The following FAM169A variants were observed in gnomAD, a reference collection of about 807,000 sequenced individuals.
FAM169A encodes the protein soluble lamin-associated protein of 75 kDa.
A neutral mutation model predicts 75.7 loss-of-function variants in FAM169A; 24 were observed. The observed-to-expected ratio is 0.32, with a 90% CI of 0.23 to 0.45. The LOEUF (loss-of-function observed/expected upper bound fraction) is 0.45, where lower values mean the gene tolerates loss of function less well. Among genes scored for constraint, FAM169A ranks in the 20% least tolerant of loss-of-function variants. The probability of loss-of-function intolerance (pLI) is 1.00; values close to 1 mark genes in which losing one functional copy is unlikely to be tolerated. For missense variants in FAM169A, 673 were observed against 784.0 expected (o/e 0.86, Z 1.69); for synonymous variants, 271 against 271.0 (o/e 1.00, Z 0.00).
At chr5:74,793,639 C>T (rs1378468943) in intron 11 of FAM169A, among the ~76,000 whole-genome samples, 1 of 152,102 alleles carries the variant, frequency 6.6e-6, no homozygotes, top group Non-Finnish European at 1.5e-5. Flanking sequence ...GCACCAAAAT[C>T]TCAGAAATCA....
chr5:74,791,451 G>A (rs1745970995), intron 11 of FAM169A, among the ~76,000 whole-genome samples: 1 of 152,120 alleles, frequency 6.6e-6, no homozygotes, highest in South Asian at 2.1e-4. Flanking sequence ...GCTGCCACCA[G>A]GAGACACAAC....
chr5:74,806,967 G>C (rs1746916789), intron 6 of FAM169A, among the ~76,000 whole-genome samples: 2 of 152,152 alleles, frequency 1.3e-5, no homozygotes, highest in Non-Finnish European at 2.9e-5. Flanking sequence ...TGCAGGATAT[G>C]ACAAGCACCA....
chr5:74,825,129 T>C (rs952019573), intron 5 of FAM169A, among the ~76,000 whole-genome samples: 2 of 152,154 alleles, frequency 1.3e-5, no homozygotes, highest in African/African-American at 4.8e-5. Context: ...TTAATAATAT[T>C]TATTACTATC....
At chr5:74,858,534 G>C (rs1749843050) in intron 1 of FAM169A, among the ~76,000 whole-genome samples, 1 of 152,088 alleles carries the variant, frequency 6.6e-6, no homozygotes, top group Admixed American at 6.6e-5. Context: ...CTAAACACTG[G>C]GTACACATGG....
Position 74,778,213 on chromosome 5 carries a change from C to G in FAM169A, c.*3247G>C, listed in dbSNP as rs2112434950. The G allele has an allele frequency of 6.6e-6, 1 of 151,746 alleles. No individual in the cohort carries two copies. Among genetic ancestry groups the G allele is most frequent in the Middle Eastern group, 3.4e-3 (1 of 296 alleles). 9.4% of individuals were successfully genotyped at this position (151,746 alleles called of 1,614,324 possible). ...GCATAACATTTGTAACTAATCACAC[C>G]CATGAAAGACGACTAGATGACACCT... is the stretch of plus-strand genomic sequence containing the variant. On this transcript the variant is annotated 3_prime_UTR_variant, in exon 13 of 13. Transcript: ENST00000687041.
chr5:74,858,616 A>T (rs1161252329), intron 1 of FAM169A, among the ~76,000 whole-genome samples: 4 of 152,100 alleles, frequency 2.6e-5, no homozygotes, highest in Admixed American at 2.6e-4. Context: ...AAGGGTCAAA[A>T]AGCTACCTAT....
Position 74,813,985 on chromosome 5 carries a change from G to T in FAM169A, c.525C>A (p.Tyr175Ter). Residue 175 changes from tyrosine (Y) to a stop codon, truncating the protein, a stop_gained, in exon 6 of 13, where the codon TAC becomes TAA. Coordinates refer to ENST00000687041, the MANE Select transcript of FAM169A (RefSeq NM_001376049.1). LOFTEE classifies it high-confidence loss of function. Reference protein sequence around the residue: ...SICASFLTQSYQLPVLDTMFL... With the variant: ...SICASFLTQS ...ACATTGTATCAAGAACTGGCAATTG[G>T]TAACTTTGGGTAAGAAAAGAGGCAC... 6.3e-7 allele frequency: 1 copy of T among 1,588,724 alleles called. No homozygotes were observed. The highest frequency in any genetic ancestry group is 8.5e-7 in the Non-Finnish European group (1 of 1,171,994).
chr5:74,863,478 T>C (rs899969708), intron 1 of FAM169A, among the ~76,000 whole-genome samples: 3 of 152,218 alleles, frequency 2.0e-5, no homozygotes, highest in Admixed American at 2.0e-4. Flanking sequence ...TTGTTTAACT[T>C]CCTACCCAAA....
At chr5:74,841,762 T>C (rs565838373) in intron 1 of FAM169A, 83 bp from the exon 2 acceptor site, 6 of 1,198,654 alleles carry the variant, frequency 5.0e-6, no homozygotes, top group Middle Eastern at 2.0e-4. Flanking sequence ...TTTACTACAA[T>C]GTTGCCATAT....
intron 4 of FAM169A, among the ~76,000 whole-genome samples, chr5:74,836,469 C>A (rs1478742618): frequency 6.6e-6 from 1 of 152,134 alleles, no homozygotes; most frequent in Non-Finnish European, 1.5e-5. Flanking sequence ...ACCTCCCGTC[C>A]ATATAATTGA....
chr5:74,843,602 GTCTA>G (rs1473985473), intron 1 of FAM169A, among the ~76,000 whole-genome samples: 6 of 152,118 alleles, frequency 3.9e-5, no homozygotes, highest in African/African-American at 1.4e-4. Context: ...TATTTCATTG[GTCTA>G]TCTTATTTTT....
chr5:74,804,635 A>C, intron 7 of FAM169A, 30 bp from the exon 8 acceptor site: 1 of 1,257,348 alleles, frequency 8.0e-7, no homozygotes, highest in Non-Finnish European at 1.2e-6. Flanking sequence ...AAAAACTGTA[A>C]CCGAATCAGT....
rs1000242531 is a variant in FAM169A at position 74,834,342 on chromosome 5, T to C, written c.490+84A>G. The C allele has an allele frequency of 9.0e-6, 7 of 775,680 alleles. No homozygotes were observed. In the African/African-American group the frequency reaches 1.3e-4, roughly 14 times the overall value. 48.0% of individuals were successfully genotyped at this position (775,680 alleles called of 1,614,324 possible). On this transcript the variant is annotated intron_variant, in intron 5 of 12. Coordinates refer to ENST00000687041, the MANE Select transcript of FAM169A (RefSeq NM_001376049.1). ...CCTCAATTTGCATGCTAGAGATTAATTTAACAGAGATATTGATACAGTTGG... is the reference window on the plus strand; with the variant it reads ...CCTCAATTTGCATGCTAGAGATTAACTTAACAGAGATATTGATACAGTTGG...
At chr5:74,833,773 A>G (rs1429715095) in intron 5 of FAM169A, among the ~76,000 whole-genome samples, 2 of 152,202 alleles carry the variant, frequency 1.3e-5, no homozygotes, top group Non-Finnish European at 1.5e-5. Context: ...ATGTGTACAC[A>G]GAGTAAGTAG....
At chr5:74,855,615 A>G (rs1477030851) in intron 1 of FAM169A, among the ~76,000 whole-genome samples, 2 of 152,050 alleles carry the variant, frequency 1.3e-5, no homozygotes, top group South Asian at 4.2e-4. Context: ...TCTTTGGCTC[A>G]TTTTTTAATC....
intron 5 of FAM169A, among the ~76,000 whole-genome samples, chr5:74,821,073 GTTCTA>G (rs1561307487): frequency 1.3e-5 from 2 of 152,066 alleles, no homozygotes; most frequent in South Asian, 2.1e-4. Context: ...TGTCCCACAC[GTTCTA>G]TTCTTTTAAT....
At chr5:74,864,139 AAAAT>A (rs1275457353) in intron 1 of FAM169A, among the ~76,000 whole-genome samples, 21 of 152,376 alleles carry the variant, frequency 1.4e-4, no homozygotes, top group African/African-American at 5.0e-4. Context: ...AACAAAACAG[AAAAT>A]AAATAGTTTA....
chr5:74,794,986 G>C (rs554217255), intron 11 of FAM169A, among the ~76,000 whole-genome samples: 1 of 152,030 alleles, frequency 6.6e-6, no homozygotes, highest in South Asian at 2.1e-4. Context: ...AGCTGGGCAC[G>C]GTGGCTCACG....
chr5:74,788,434 G>A lies in FAM169A; in HGVS notation c.1261-5300C>T, dbSNP rs11955642. ...AAAAATAGTCAATCAGGCCGGGGGC[G>A]GTGGCTCATGCCTGTAATCCCAGCA... On this transcript the variant is annotated intron_variant, in intron 11 of 12. Transcript: ENST00000687041. 1.5e-3 allele frequency among the ~76,000 whole-genome samples: 227 copies of A among 152,254 alleles called. 1 individual carries two copies. Among genetic ancestry groups the A allele is most frequent in the African/African-American group, 5.2e-3 (217 of 41,554 alleles).
Sources: gnomAD v4.1 joint callset for allele counts (sites outside exome capture counted in the v4.1 genomes callset) on GRCh38, gnomAD v4.1.1 for gene constraint, MANE v1.5 for transcripts, NCBI Gene and HGNC (gene_info 2026-07-23, HGNC 2026-07-21) for gene names.